UGT1A9: variants seen among roughly 807,000 people sequenced by gnomAD.
The protein encoded by UGT1A9 is UDP glucuronosyltransferase family 1 member A9.
Under a neutral mutation model 45.0 loss-of-function variants are expected in UGT1A9, and 35 were observed. That is an observed-to-expected ratio of 0.78 (90% confidence interval 0.59 to 1.03). The LOEUF (loss-of-function observed/expected upper bound fraction) is 1.03. Among genes scored for constraint, UGT1A9 ranks in the 50% least tolerant of loss-of-function variants. UGT1A9 has a pLI of 0.00. For synonymous variants in UGT1A9, 278 were observed against 250.6 expected, an observed-to-expected ratio of 1.11 and a Z score of -1.03; for missense variants, 687 against 666.6, an observed-to-expected ratio of 1.03 and a Z score of -0.34.
chr2:233,716,848 A>C (rs28898605), intron 1 of UGT1A9, among the ~76,000 whole-genome samples: 37 of 152,046 alleles, frequency 2.4e-4, no homozygotes, highest in African/African-American at 7.7e-4. Flanking sequence ...TTCAGCTACC[A>C]CATATGCTGA....
At chr2:233,685,738 T>A (rs1249297819) in intron 1 of UGT1A9, among the ~76,000 whole-genome samples, 1 of 152,232 alleles carries the variant, frequency 6.6e-6, no homozygotes, top group Non-Finnish European at 1.5e-5. Flanking sequence ...TCTTTCTCCA[T>A]TTTTTCTTCC....
intron 1 of UGT1A9, chr2:233,682,296 T>C (rs2074570660): frequency 6.2e-7 from 1 of 1,614,180 alleles, no homozygotes; most frequent in Non-Finnish European, 8.5e-7. Flanking sequence ...TTTGACTTAT[T>C]TTTTTCAAAT....
chr2:233,734,166 G>A (rs959172847), intron 1 of UGT1A9, among the ~76,000 whole-genome samples: 2 of 151,962 alleles, frequency 1.3e-5, no homozygotes, highest in Non-Finnish European at 2.9e-5. Flanking sequence ...GACTTTTTTT[G>A]GTTGGTAGGC....
At chr2:233,739,473 G>A (rs1691116225) in intron 1 of UGT1A9, among the ~76,000 whole-genome samples, 1 of 152,214 alleles carries the variant, frequency 6.6e-6, no homozygotes, top group African/African-American at 2.4e-5. Flanking sequence ...CTGAGACCGT[G>A]GGAGCCCATT....
chr2:233,709,060 T>C (rs1267466061), intron 1 of UGT1A9, among the ~76,000 whole-genome samples: 1 of 151,506 alleles, frequency 6.6e-6, no homozygotes, highest in East Asian at 1.9e-4. Flanking sequence ...GGATTCCTAG[T>C]TAAAGTTCTT....
chr2:233,725,558 C>A (rs1559370859), intron 1 of UGT1A9, among the ~76,000 whole-genome samples: 1 of 152,094 alleles, frequency 6.6e-6, no homozygotes, highest in Non-Finnish European at 1.5e-5. Context: ...ATCCTTTCAA[C>A]ATATATTCGA....
chr2:233,701,504 T>C (rs2075633196), intron 1 of UGT1A9, among the ~76,000 whole-genome samples: 1 of 152,122 alleles, frequency 6.6e-6, no homozygotes, highest in Non-Finnish European at 1.5e-5. Flanking sequence ...CTAATAGACA[T>C]CTACAGAACT....
At chr2:233,704,341 G>A (rs188654230) in intron 1 of UGT1A9, among the ~76,000 whole-genome samples, 1 of 137,544 alleles carries the variant, frequency 7.3e-6, no homozygotes, top group East Asian at 2.1e-4. Flanking sequence ...TATTTAAAAA[G>A]TTGTGTTCTG....
chr2:233,768,426 A>G lies in UGT1A9; in HGVS notation c.1282A>G (p.Ile428Val), dbSNP rs1699609546. 6.2e-7 allele frequency: 1 copy of G among 1,614,122 alleles called. No homozygotes were observed. Among genetic ancestry groups the G allele is most frequent in the African/African-American group, 1.3e-5 (1 of 75,056 alleles). The change falls in exon 4 of 5, where the codon ATC (isoleucine) becomes GTC (valine). Residue 428 changes from isoleucine (I) to valine (V), a missense_variant. By Grantham distance (29) the Ile-to-Val change is conservative. Transcript: ENST00000354728. ...EDLENALKAVINDKSYKENIM... is the reference protein window; with the variant it reads ...EDLENALKAVVNDKSYKENIM... ...TTTAGAAAATGCTCTAAAAGCAGTC[A>G]TCAATGACAAAAGGTAAGAAAGAAG...
At chr2:233,745,026 A>G (rs1010617743) in intron 1 of UGT1A9, among the ~76,000 whole-genome samples, 2 of 151,918 alleles carry the variant, frequency 1.3e-5, no homozygotes, top group Non-Finnish European at 2.9e-5. Flanking sequence ...TGCTATGTAA[A>G]TAGTTGTTTT....
chr2:233,767,603 A>G (rs1699427666), intron 2 of UGT1A9, among the ~76,000 whole-genome samples: 1 of 152,166 alleles, frequency 6.6e-6, no homozygotes, highest in African/African-American at 2.4e-5. Context: ...GGAAAGTGAA[A>G]AAATCCTAAG....
In UGT1A9 at chr2:233,672,597, C is replaced by T. The variant is rs2074232436; in HGVS notation, c.663C>T (p.His221=). 2.5e-6 allele frequency: 4 copies of T among 1,613,862 alleles called. No individual in the cohort carries two copies. Among genetic ancestry groups the T allele is most frequent in the Non-Finnish European group, 2.5e-6 (3 of 1,179,812 alleles). The change falls in exon 1 of 5, where the codon CAC becomes CAT. Residue 221 remains histidine, a synonymous_variant. Transcript: ENST00000354728. ...IMHLEEHLLC[H]RFFKNALEIA... Reference sequence around the variant, plus strand: ...ACTTGGAGGAACATTTATTATGCCACCGTTTTTTCAAAAATGCCCTAGAAA... The same window carrying T: ...ACTTGGAGGAACATTTATTATGCCATCGTTTTTTCAAAAATGCCCTAGAAA...
At chr2:233,696,869 T>A (rs1016300613) in intron 1 of UGT1A9, among the ~76,000 whole-genome samples, 1 of 152,244 alleles carries the variant, frequency 6.6e-6, no homozygotes, top group African/African-American at 2.4e-5. Context: ...TTTTTCAGCA[T>A]CTACAACATA....
intron 1 of UGT1A9, among the ~76,000 whole-genome samples, chr2:233,748,826 G>A (rs1470872637): frequency 1.3e-5 from 2 of 151,398 alleles, no homozygotes; most frequent in African/African-American, 4.9e-5. Context: ...AGGGTCTAGG[G>A]AGGAGATAAA....
At chr2:233,755,920 C>T (rs931187964) in intron 1 of UGT1A9, 4 of 147,692 alleles carry the variant, frequency 2.7e-5, no homozygotes, top group African/African-American at 1.0e-4. Flanking sequence ...AGAAGAGTGG[C>T]ATCGTTTTAC....
intron 1 of UGT1A9, chr2:233,718,024 G>A (rs566004281): frequency 1.0e-5 from 4 of 386,248 alleles, no homozygotes; most frequent in South Asian, 1.9e-5. Context: ...CAGCTCCCCA[G>A]GTCCTTTGGT....
At chr2:233,766,877 C>T (rs3213726) in intron 1 of UGT1A9, among the ~76,000 whole-genome samples, 157 bp from the exon 2 acceptor site, 1 of 152,218 alleles carries the variant, frequency 6.6e-6, no homozygotes, top group Non-Finnish European at 1.5e-5. Flanking sequence ...GAGGAAAATG[C>T]TGTAAAACTT....
At position 233,757,535 on chromosome 2, in the gene UGT1A9, AATAT is replaced by A. The variant is rs67292694; in HGVS notation, c.856-9476_856-9473del. On this transcript the variant is annotated intron_variant, in intron 1 of 4. Coordinates refer to ENST00000354728, the MANE Select transcript of UGT1A9 (RefSeq NM_021027.3). Reference sequence around the variant, plus strand: ...CAAAGCCAAAATCTTGCCTGTAAGGAATATATATATATATATATATATATATGTA... The same window carrying A: ...CAAAGCCAAAATCTTGCCTGTAAGGAATATATATATATATATATATATGTA... Among the ~76,000 whole-genome samples, 85 of 88,296 alleles carry A rather than the reference AATAT, an allele frequency of 9.6e-4. 5 individuals carry two copies. The highest frequency in any genetic ancestry group is 3.6e-3 in the African/African-American group (72 of 19,936). 57.9% of individuals were successfully genotyped at this position (88,296 alleles called of 152,430 possible).
intron 1 of UGT1A9, among the ~76,000 whole-genome samples, chr2:233,700,907 G>T (rs985233948): frequency 6.6e-6 from 1 of 151,214 alleles, no homozygotes; most frequent in South Asian, 2.1e-4. Flanking sequence ...GGTGTGTGAC[G>T]TTCCTCTTCC....
Sources: gnomAD v4.1 joint callset for allele counts (sites outside exome capture counted in the v4.1 genomes callset) on GRCh38, gnomAD v4.1.1 for gene constraint, MANE v1.5 for transcripts, NCBI Gene and HGNC (gene_info 2026-07-23, HGNC 2026-07-21) for gene names.